Variants in AK5 observed in about 807,000 individuals in gnomAD.
The protein encoded by AK5 is adenylate kinase isoenzyme 5.
A neutral mutation model predicts 69.5 loss-of-function variants in AK5; 27 were observed. The ratio of observed to expected loss-of-function variants is 0.39; its 90% CI spans 0.29 to 0.54. The LOEUF (loss-of-function observed/expected upper bound fraction) is 0.54. Ranked by LOEUF, AK5 falls within the 20% of genes least tolerant of loss-of-function variation. The pLI is 0.71. For synonymous variants in AK5, 260 were observed against 244.4 expected (o/e 1.06, Z -0.60); for missense variants, 531 against 700.4 (o/e 0.76, Z 2.73).
chr1:77,417,748 A>C, intron 8 of AK5, 33 bp downstream of exon 8: 5 of 1,354,612 alleles, frequency 3.7e-6, no homozygotes, highest in Non-Finnish European at 4.2e-6. Context: ...TCTCTATTTA[A>C]ATGTTTTTAA....
chr1:77,282,431 G>C (rs115097603), intron 1 of AK5, 58 bp downstream of exon 1: 5 of 1,515,474 alleles, frequency 3.3e-6, no homozygotes, highest in Admixed American at 2.1e-5. Flanking sequence ...TCAGGGGTTC[G>C]GGTTGAGGCA....
At chr1:77,410,235 G>A (rs893153456) in intron 6 of AK5, among the ~76,000 whole-genome samples, 1 of 151,472 alleles carries the variant, frequency 6.6e-6, no homozygotes, top group African/African-American at 2.4e-5. Flanking sequence ...CTATAATATT[G>A]TATCTAGTAT....
chr1:77,443,677 C>CTGTGTGTGTGTGTGTG (rs71244408), intron 8 of AK5, among the ~76,000 whole-genome samples: 1 of 134,042 alleles, frequency 7.5e-6, no homozygotes, highest in East Asian at 2.3e-4. Context: ...TGTGGGGAGT[C>CTGTGTGTGTGTGTGTG]TGTGTGTGTG....
intron 10 of AK5, among the ~76,000 whole-genome samples, chr1:77,500,773 C>T (rs773721064): frequency 2.6e-5 from 4 of 152,168 alleles, no homozygotes; most frequent in African/African-American, 7.2e-5. Flanking sequence ...CAGAGCGAGA[C>T]TCCATCTCAC....
intron 5 of AK5, among the ~76,000 whole-genome samples, chr1:77,298,943 T>C (rs886852338): frequency 1.8e-4 from 27 of 152,316 alleles, no homozygotes; most frequent in African/African-American, 6.0e-4. Flanking sequence ...CTGCTCCTCC[T>C]TTCCTGAGAA....
rs1557598116 is a variant in AK5, at chr1:77,444,260, ATATATATAG to A, written c.1059+26554_1059+26562del. ...GTATATATATACACAACATATGTGT[ATATATATAG>A]TATATATACACAACATATGTGTATA... is the stretch of plus-strand genomic sequence containing the variant. On this transcript the variant is annotated intron_variant, in intron 8 of 13. Coordinates refer to ENST00000354567, the MANE Select transcript of AK5 (RefSeq NM_174858.3). 7.4e-3 allele frequency among the ~76,000 whole-genome samples: 301 copies of A among 40,710 alleles called. 9 individuals carry two copies. Among genetic ancestry groups the A allele is most frequent in the South Asian group, 0.011 (16 of 1,470 alleles). 26.7% of individuals were successfully genotyped at this position (40,710 alleles called of 152,430 possible). A position where few individuals can be genotyped will look rare whatever the true frequency, so the allele number is the denominator to read the frequency against.
chr1:77,371,838 A>T (rs898845913), intron 6 of AK5, among the ~76,000 whole-genome samples: 3 of 152,228 alleles, frequency 2.0e-5, no homozygotes, highest in Non-Finnish European at 4.4e-5. Flanking sequence ...AAGTTCTGAT[A>T]CTTATTAACA....
At chr1:77,412,548 A>G (rs1650113457) in intron 7 of AK5, among the ~76,000 whole-genome samples, 1 of 152,156 alleles carries the variant, frequency 6.6e-6, no homozygotes, top group African/African-American at 2.4e-5. Context: ...ACTAGAAGTA[A>G]ATGGTGCCTC....
Position 77,340,366 on chromosome 1 carries a change from G to C in AK5, c.700-11G>C. On this transcript the variant is annotated splice_polypyrimidine_tract_variant and intron_variant, in intron 5 of 13. Coordinates refer to ENST00000354567, the MANE Select transcript of AK5 (RefSeq NM_174858.3). ...GTTGAATGCCTCTCTATTTGTTGAT[G>C]CTCTCCACAGATCTGTACCCCCGAT... The C allele has an allele frequency of 1.9e-6, 3 of 1,607,454 alleles. No individual in the cohort carries two copies. The highest frequency in any genetic ancestry group is 2.6e-6 in the Non-Finnish European group (3 of 1,175,506).
intron 6 of AK5, among the ~76,000 whole-genome samples, chr1:77,388,045 C>G (rs1249308949): frequency 6.6e-6 from 1 of 152,178 alleles, no homozygotes; most frequent in Non-Finnish European, 1.5e-5. Context: ...TTTTAAATGA[C>G]AAGCATTACT....
intron 6 of AK5, among the ~76,000 whole-genome samples, chr1:77,383,649 C>T (rs1647808159): frequency 6.6e-6 from 1 of 152,068 alleles, no homozygotes; most frequent in Non-Finnish European, 1.5e-5. Context: ...TTTCTTGTTT[C>T]TGACCCTAAT....
chr1:77,408,426 C>A (rs897798646), intron 6 of AK5, among the ~76,000 whole-genome samples: 2 of 151,864 alleles, frequency 1.3e-5, no homozygotes, highest in South Asian at 2.1e-4. Flanking sequence ...ACTTGTAAGT[C>A]TTTTTTTGAG....
intron 5 of AK5, among the ~76,000 whole-genome samples, chr1:77,325,865 T>C (rs1290295428): frequency 1.3e-5 from 2 of 152,050 alleles, no homozygotes; most frequent in African/African-American, 4.8e-5. Flanking sequence ...AGAACCATAC[T>C]TGTCAGAAAA....
intron 10 of AK5, 144 bp downstream of exon 10, chr1:77,486,496 C>A (rs1235892629): frequency 1.4e-5 from 7 of 514,876 alleles, no homozygotes; most frequent in African/African-American, 5.9e-5. Flanking sequence ...GAGATCGAGA[C>A]CATCCTGGCT....
intron 12 of AK5, among the ~76,000 whole-genome samples, chr1:77,522,587 C>A (rs1252229315): frequency 2.0e-5 from 3 of 152,108 alleles, no homozygotes; most frequent in Non-Finnish European, 4.4e-5. Flanking sequence ...CTCCCACTAT[C>A]CTCCCACCAT....
rs187160474 is a variant in AK5 at position 77,347,266 on chromosome 1, T to C, written c.891+6698T>C. Among the ~76,000 whole-genome samples, 177 of 152,334 alleles carry C rather than the reference T, an allele frequency of 1.2e-3. No individual in the cohort carries two copies. The Middle Eastern group carries it at 0.014, about 12-fold the overall frequency. ...AAACAGTGCCTTCTGGCACAAAACC[T>C]GATGCTGATAGAACCTCAGTGAGAG... is the stretch of plus-strand genomic sequence containing the variant. On this transcript the variant is annotated intron_variant, in intron 6 of 13. Coordinates refer to ENST00000354567, the MANE Select transcript of AK5 (RefSeq NM_174858.3).
At chr1:77,381,382 T>C (rs1001622908) in intron 6 of AK5, among the ~76,000 whole-genome samples, 4 of 152,222 alleles carry the variant, frequency 2.6e-5, no homozygotes, top group African/African-American at 9.6e-5. Context: ...TAATCTATGA[T>C]ATTTTGTTAT....
intron 8 of AK5, among the ~76,000 whole-genome samples, chr1:77,470,853 A>T (rs1242174168): frequency 0.016 from 45 of 2,898 alleles, 4 homozygotes; most frequent in Non-Finnish European, 0.026. Context: ...ATATATATAT[A>T]TATATATATA....
intron 8 of AK5, among the ~76,000 whole-genome samples, chr1:77,456,532 C>T (rs1653494683): frequency 6.6e-6 from 1 of 152,214 alleles, no homozygotes; most frequent in South Asian, 2.1e-4. Context: ...AATGACTGGG[C>T]AGAGAGCATG....
Sources: allele counts gnomAD v4.1 joint callset (sites outside exome capture counted in the v4.1 genomes callset), GRCh38; gene constraint gnomAD v4.1.1; transcripts MANE v1.5; gene names NCBI Gene and HGNC (gene_info 2026-07-23, HGNC 2026-07-21).